Variants in CORO1C observed in about 807,000 individuals in gnomAD.
CORO1C encodes coronin 1C.
CORO1C carries 14 observed loss-of-function variants against 51.2 expected under a neutral mutation model. The observed-to-expected ratio is 0.27, with a 90% CI of 0.18 to 0.43. The LOEUF (loss-of-function observed/expected upper bound fraction) is 0.43. Among genes scored for constraint, CORO1C ranks in the 20% least tolerant of loss-of-function variants. The probability of loss-of-function intolerance (pLI) is 1.00; values close to 1 mark genes in which losing one functional copy is unlikely to be tolerated. For synonymous variants in CORO1C, 181 were observed against 210.5 expected (o/e 0.86, Z 1.21); for missense variants, 417 against 607.8 (o/e 0.69, Z 3.30).
intron 2 of CORO1C, among the ~76,000 whole-genome samples, chr12:108,689,476 C>T (rs2034421827): frequency 6.6e-6 from 1 of 152,130 alleles, no homozygotes; most frequent in African/African-American, 2.4e-5. Context: ...TCATATAAAC[C>T]CACACCTTCC....
chr12:108,667,698 T>C (rs2033538844), intron 3 of CORO1C, among the ~76,000 whole-genome samples: 1 of 152,104 alleles, frequency 6.6e-6, no homozygotes, highest in African/African-American at 2.4e-5. Context: ...CTCTCATCTA[T>C]ATAACCAAAA....
chr12:108,670,791 CAA>C (rs2033685966), intron 3 of CORO1C, among the ~76,000 whole-genome samples: 1 of 151,388 alleles, frequency 6.6e-6, no homozygotes, highest in Non-Finnish European at 1.5e-5. Flanking sequence ...AAGACATGCT[CAA>C]AAGAGATAAA....
chr12:108,717,633 C>T (rs2035370877), intron 1 of CORO1C, among the ~76,000 whole-genome samples: 1 of 152,144 alleles, frequency 6.6e-6, no homozygotes, highest in South Asian at 2.1e-4. Flanking sequence ...GGTGCATCAA[C>T]AGTGATGCCT....
chr12:108,683,327 G>A (rs1038904378), intron 2 of CORO1C, among the ~76,000 whole-genome samples: 8 of 151,584 alleles, frequency 5.3e-5, no homozygotes, highest in African/African-American at 1.7e-4. Context: ...GCTGAGGCAG[G>A]AGAAGTGCTT....
At chr12:108,655,437 C>T (rs1362504169) in intron 6 of CORO1C, among the ~76,000 whole-genome samples, 1 of 150,876 alleles carries the variant, frequency 6.6e-6, no homozygotes, top group African/African-American at 2.4e-5. Context: ...TGATGCCGAG[C>T]CGAAGCTGGA....
intron 4 of CORO1C, 80 bp downstream of exon 4, chr12:108,661,949 C>A (rs1056493678): frequency 1.1e-4 from 165 of 1,546,230 alleles, no homozygotes; most frequent in Non-Finnish European, 1.4e-4. Flanking sequence ...TAGCACACAA[C>A]CAAAACACAT....
chr12:108,706,698 G>A (rs751805737), intron 1 of CORO1C, among the ~76,000 whole-genome samples: 3 of 152,106 alleles, frequency 2.0e-5, no homozygotes, highest in Non-Finnish European at 4.4e-5. Flanking sequence ...GGGTTCAAGC[G>A]ATTCTCCTGT....
intron 2 of CORO1C, among the ~76,000 whole-genome samples, chr12:108,689,977 T>C (rs960353839): frequency 6.6e-6 from 1 of 152,224 alleles, no homozygotes; most frequent in Non-Finnish European, 1.5e-5. Flanking sequence ...AGCGTATCTA[T>C]TGAAGTGGGT....
intron 6 of CORO1C, among the ~76,000 whole-genome samples, chr12:108,654,699 CTTTT>C (rs2136799985): frequency 6.6e-6 from 1 of 151,308 alleles, no homozygotes; most frequent in South Asian, 2.1e-4. Context: ...TTACTGTTTT[CTTTT>C]TCTTTTTTTT....
chr12:108,708,709 A>C (rs1298932604), intron 1 of CORO1C, among the ~76,000 whole-genome samples: 1 of 152,082 alleles, frequency 6.6e-6, no homozygotes. Context: ...TGATCTGCCC[A>C]CCTTGGCCTC....
intron 3 of CORO1C, among the ~76,000 whole-genome samples, chr12:108,662,733 A>G (rs1043377346): frequency 6.6e-6 from 1 of 152,184 alleles, no homozygotes; most frequent in African/African-American, 2.4e-5. Context: ...TTTAAAACAT[A>G]TTTTCTATAA....
intron 6 of CORO1C, among the ~76,000 whole-genome samples, chr12:108,655,801 C>T (rs974860063): frequency 1.3e-5 from 2 of 152,210 alleles, no homozygotes; most frequent in African/African-American, 4.8e-5. Flanking sequence ...CCGGCCACCA[C>T]CCTGTCTGGG....
Position 108,701,151 on chromosome 12 carries a change from T to G in CORO1C, c.168A>C (p.Gly56=), listed in dbSNP as rs771574270. ...TGTGCAGAGGGAGGACAAGGAACGC[T>G]CCTCCCCCACTTGCCTCTATGATTA... The part of the protein sequence containing the change: ...VAIIIEASGG[G]AFLVLPLHKT... The change falls in exon 2 of 11, where the codon GGA becomes GGC. Residue 56 remains glycine (G), a synonymous_variant. Coordinates refer to ENST00000261401, the MANE Select transcript of CORO1C (RefSeq NM_014325.4). 2 of 1,614,058 alleles carry G rather than the reference T, an allele frequency of 1.2e-6. No individual in the cohort carries two copies. The highest frequency in any genetic ancestry group is 4.5e-5 in the East Asian group (2 of 44,880).
At chr12:108,687,651 G>C (rs1431866503) in intron 2 of CORO1C, among the ~76,000 whole-genome samples, 1 of 151,744 alleles carries the variant, frequency 6.6e-6, no homozygotes, top group Admixed American at 6.6e-5. Flanking sequence ...TGCGCTTGAT[G>C]GTGTGTGCCT....
chr12:108,724,213 C>T (rs12423733), intron 1 of CORO1C, among the ~76,000 whole-genome samples: 11,003 of 152,146 alleles, frequency 0.072, 615 homozygotes, highest in East Asian at 0.32. Context: ...AAGAAAACTC[C>T]GTGAATAGGC....
intron 8 of CORO1C, among the ~76,000 whole-genome samples, chr12:108,651,021 C>T (rs2032624729): frequency 6.6e-6 from 1 of 152,204 alleles, no homozygotes; most frequent in Admixed American, 6.5e-5. Flanking sequence ...TGCAGTGGCA[C>T]CATCTCGGCT....
At chr12:108,692,794 C>CT (rs11447073) in intron 2 of CORO1C, among the ~76,000 whole-genome samples, 87,857 of 111,670 alleles carry the variant, frequency 0.79, 35,726 homozygotes, top group South Asian at 0.84. Context: ...TAGACCACAG[C>CT]TTTTTTTTTT....
intron 3 of CORO1C, among the ~76,000 whole-genome samples, chr12:108,678,057 C>T (rs967271579): frequency 1.3e-5 from 2 of 151,942 alleles, no homozygotes; most frequent in Non-Finnish European, 1.5e-5. Context: ...GCAGACACTG[C>T]AGTACAACCT....
At chr12:108,668,874 G>T (rs542594764) in intron 3 of CORO1C, among the ~76,000 whole-genome samples, 1 of 152,260 alleles carries the variant, frequency 6.6e-6, no homozygotes, top group African/African-American at 2.4e-5. Flanking sequence ...TTTTCTTGGA[G>T]CTAATATTTC....
Sources: allele counts gnomAD v4.1 joint callset (sites outside exome capture counted in the v4.1 genomes callset), GRCh38; gene constraint gnomAD v4.1.1; transcripts MANE v1.5; gene names NCBI Gene and HGNC (gene_info 2026-07-23, HGNC 2026-07-21).